Variants in STATH observed in about 807,000 individuals in gnomAD.
The protein encoded by STATH is statherin.
Under a neutral mutation model 13.3 loss-of-function variants are expected in STATH, and 11 were observed. The ratio of observed to expected loss-of-function variants is 0.83; its 90% CI spans 0.52 to 1.37. The LOEUF is 1.37. STATH is among the 40% of genes most tolerant of loss of function. The probability of loss-of-function intolerance (pLI) is 0.00; values close to 1 mark genes in which losing one functional copy is unlikely to be tolerated. For synonymous variants in STATH, 25 were observed against 23.6 expected (o/e 1.06, Z -0.17); for missense variants, 78 against 73.3 (o/e 1.06, Z -0.24).
At chr4:70,000,789 A>G (rs906635949) in intron 4 of STATH, 74 bp from the exon 5 acceptor site, 1 of 1,085,898 alleles carries the variant, frequency 9.2e-7, no homozygotes, top group African/African-American at 1.6e-5. Context: ...TAACAATCTA[A>G]GCTTCTAATA....
chr4:69,998,716 A>G (rs1362983052), intron 2 of STATH: 2 of 349,020 alleles, frequency 5.7e-6, no homozygotes, highest in Non-Finnish European at 1.0e-5. Context: ...CTTAGTGTGA[A>G]ATAAAAGAAA....
In STATH at chr4:69,999,677, C is replaced by T; in HGVS notation, c.62C>T (p.Ser21Leu). 6.2e-7 allele frequency: 1 copy of T among 1,610,874 alleles called. No homozygotes were observed. Among genetic ancestry groups the T allele is most frequent in the African/African-American group, 1.3e-5 (1 of 74,898 alleles). ...ALMVSMIGAD[S>L]SEEKFLRRIG... The stretch of plus-strand genomic sequence containing the variant: ...TTTCTGTTTTCTAAGGGAGCTGATT[C>T]ATCTGAAGAGGTGAGTCATTTTCAT... The change falls in exon 3 of 6, where the codon TCA (serine) becomes TTA (leucine). Residue 21 changes from serine to leucine, a missense_variant. Ser to Leu is a moderately radical substitution (Grantham distance 145). Transcript: ENST00000246895.
At chr4:70,001,147 T>A (rs371756363) in intron 5 of STATH, among the ~76,000 whole-genome samples, 165 bp downstream of exon 5, 1 of 151,612 alleles carries the variant, frequency 6.6e-6, no homozygotes, top group Non-Finnish European at 1.5e-5. Flanking sequence ...GCTTCTGAGA[T>A]AGTCTCTGTC....
intron 2 of STATH, 183 bp downstream of exon 2, chr4:69,998,671 T>A (rs1418224872): frequency 9.2e-6 from 4 of 435,278 alleles, no homozygotes; most frequent in South Asian, 1.3e-4. Flanking sequence ...GAATAAATAG[T>A]CATTATTCAT....
intron 5 of STATH, among the ~76,000 whole-genome samples, chr4:70,001,437 G>C (rs1171968449): frequency 6.6e-6 from 1 of 151,784 alleles, no homozygotes; most frequent in Non-Finnish European, 1.5e-5. Flanking sequence ...GTTGCTTAAA[G>C]TTTTCACTCC....
At chr4:69,996,101 T>C (rs1241164495) in intron 1 of STATH, 76 bp downstream of exon 1, 2 of 152,166 alleles carry the variant, frequency 1.3e-5, no homozygotes, top group East Asian at 3.8e-4. Context: ...GAAAACTAAT[T>C]ATAAAAATGT....
intron 4 of STATH, 22 bp from the exon 5 acceptor site, chr4:70,000,841 C>T: frequency 1.3e-6 from 2 of 1,594,378 alleles, no homozygotes; most frequent in Non-Finnish European, 1.7e-6. Flanking sequence ...CTGCAATTTT[C>T]TTTCTCCTTG....
chr4:70,001,784 T>A (rs1361933101), intron 5 of STATH, among the ~76,000 whole-genome samples: 2 of 151,752 alleles, frequency 1.3e-5, no homozygotes, highest in Admixed American at 1.3e-4. Context: ...TATATTCCAA[T>A]TCAATTCTCT....
chr4:69,996,454 A>G lies in STATH; in HGVS notation c.-16+429A>G, dbSNP rs903554298. Among the ~76,000 whole-genome samples the G allele has an allele frequency of 2.0e-5, 3 of 152,138 alleles. 1 individual carries two copies. Among genetic ancestry groups the G allele is most frequent in the Admixed American group, 2.0e-4 (3 of 15,264 alleles). On this transcript the variant is annotated intron_variant, in intron 1 of 5. Coordinates refer to ENST00000246895, the MANE Select transcript of STATH (RefSeq NM_003154.3). The stretch of plus-strand genomic sequence containing the variant: ...ACTTTTAAAAATTTACTTTTTTCCC[A>G]TAAGTAAACATTTCTCACTACCTTT...
At chr4:70,000,480 TGAA>T (rs200801625) in intron 4 of STATH, 3,937 of 180,122 alleles carry the variant, frequency 0.022, 62 homozygotes, top group East Asian at 0.038. Flanking sequence ...AAGAGTGACT[TGAA>T]GAAACACCAC....
intron 1 of STATH, 122 bp downstream of exon 1, chr4:69,996,147 A>G (rs1472686963): frequency 6.6e-6 from 1 of 152,214 alleles, no homozygotes; most frequent in African/African-American, 2.4e-5. Flanking sequence ...TAAAGAAACA[A>G]TTGAGAGAAA....
chr4:70,001,250 T>C (rs528587198), intron 5 of STATH, among the ~76,000 whole-genome samples: 42 of 151,910 alleles, frequency 2.8e-4, no homozygotes, highest in African/African-American at 1.0e-3. Context: ...TTTGAACTAC[T>C]CCTAATGCTC....
rs1225560576 is a variant in STATH, at chr4:69,999,763, T to C, written c.73-17T>C. ...ACATTTGTATTGAATTATTAAACTT[T>C]TCTTCATTTTTCACAGAAATTTTTG... On this transcript the variant is annotated splice_polypyrimidine_tract_variant and intron_variant, in intron 3 of 5. Coordinates refer to ENST00000246895, the MANE Select transcript of STATH (RefSeq NM_003154.3). 1.9e-6 allele frequency: 3 copies of C among 1,612,006 alleles called. No individual in the cohort carries two copies. The highest frequency in any genetic ancestry group is 4.5e-5 in the East Asian group (2 of 44,756).
In STATH at chr4:70,000,954, A is replaced by G. The variant is rs762759383; in HGVS notation, c.*5A>G. The G allele has an allele frequency of 2.0e-5, 32 of 1,608,396 alleles. No individual in the cohort carries two copies. In the Middle Eastern group the frequency reaches 1.8e-3, roughly 91 times the overall value. Reference sequence around the variant, plus strand: ...TACCAACAATATACCTTTTAATATCATCAGTAACTGCAGGACATGATTATT... The same window carrying G: ...TACCAACAATATACCTTTTAATATCGTCAGTAACTGCAGGACATGATTATT... On this transcript the variant is annotated 3_prime_UTR_variant, in exon 5 of 6. Transcript: ENST00000246895.
At position 69,998,415 on chromosome 4, in the gene STATH, G is replaced by A. The variant is rs1254404914; in HGVS notation, c.-15-8G>A. On this transcript the variant is annotated splice_region_variant and splice_polypyrimidine_tract_variant and intron_variant, in intron 1 of 5. Transcript: ENST00000246895. ...AATGTGATACTGAATTTCCACATATGTTTTCAGAGAACCCAGCCAACTATG... is the reference window on the plus strand; with the variant it reads ...AATGTGATACTGAATTTCCACATATATTTTCAGAGAACCCAGCCAACTATG... 3 of 1,607,476 alleles carry A rather than the reference G, an allele frequency of 1.9e-6. No individual in the cohort carries two copies. The highest frequency in any genetic ancestry group is 1.3e-5 in the African/African-American group (1 of 74,594).
chr4:70,000,939 A>G lies in STATH; in HGVS notation c.179A>G (p.Tyr60Cys). 3 of 1,611,210 alleles carry G rather than the reference A, an allele frequency of 1.9e-6. No homozygotes were observed. The highest frequency in any genetic ancestry group is 2.5e-6 in the Non-Finnish European group (3 of 1,177,784). Residue 60 changes from tyrosine (Y) to cysteine (C), a missense_variant, in exon 5 of 6, where the codon TAT becomes TGT. Tyr to Cys is a radical substitution (Grantham distance 194). Transcript: ENST00000246895. ...PQPYQPQYQQYTF is the reference protein window; with the variant it reads ...PQPYQPQYQQCTF ...CCATACCAACCACAATACCAACAATATACCTTTTAATATCATCAGTAACTG... is the reference window on the plus strand; with the variant it reads ...CCATACCAACCACAATACCAACAATGTACCTTTTAATATCATCAGTAACTG...
intron 3 of STATH, 43 bp downstream of exon 3, chr4:69,999,730 T>A: frequency 1.2e-6 from 2 of 1,611,720 alleles, no homozygotes; most frequent in Non-Finnish European, 1.7e-6. Context: ...TTCAGTTTTG[T>A]CCTCCCTACA....
intron 1 of STATH, 30 bp from the exon 2 acceptor site, chr4:69,998,393 G>A (rs780234974): frequency 6.4e-7 from 1 of 1,573,774 alleles, no homozygotes; most frequent in Non-Finnish European, 8.7e-7. Flanking sequence ...AAGAAAAAAT[G>A]TGATACTGAA....
chr4:69,998,295 A>T (rs1724561983), intron 1 of STATH, 128 bp from the exon 2 acceptor site: 1 of 629,840 alleles, frequency 1.6e-6, no homozygotes. Context: ...GATGTCAGGC[A>T]ATGGGTTTTA....
Sources: allele counts gnomAD v4.1 joint callset (sites outside exome capture counted in the v4.1 genomes callset), GRCh38; gene constraint gnomAD v4.1.1; transcripts MANE v1.5; gene names NCBI Gene and HGNC (gene_info 2026-07-23, HGNC 2026-07-21).